GCN1: variants seen among roughly 807,000 people sequenced by gnomAD.
GCN1 encodes the protein stalled ribosome sensor GCN1.
In GCN1, 90 loss-of-function variants were observed where a neutral mutation model predicts 288.4. That is an observed-to-expected ratio of 0.31 (90% confidence interval 0.26 to 0.37). GCN1 has a LOEUF of 0.37. Ranked by LOEUF, GCN1 falls within the 10% of genes least tolerant of loss-of-function variation. GCN1 has a pLI of 1.00. For missense variants in GCN1, 2,586 were observed against 3,419.9 expected (o/e 0.76, Z 6.08); for synonymous variants, 1,386 against 1,420.2 (o/e 0.98, Z 0.54).
At chr12:120,175,322 T>A in intron 11 of GCN1, 110 bp from the exon 12 acceptor site, 2 of 1,032,684 alleles carry the variant, frequency 1.9e-6, no homozygotes, top group Non-Finnish European at 3.0e-6. Context: ...ATTCCAGAAG[T>A]AGCCTTTGTG....
intron 10 of GCN1, 57 bp from the exon 11 acceptor site, chr12:120,175,931 G>A (rs1174495869): frequency 1.8e-5 from 28 of 1,572,420 alleles, no homozygotes; most frequent in Middle Eastern, 3.4e-4. Flanking sequence ...CCAGACTTTC[G>A]TCTTTGTCTT....
intron 51 of GCN1, among the ~76,000 whole-genome samples, chr12:120,135,583 G>C (rs546335608): frequency 1.1e-3 from 174 of 152,112 alleles, no homozygotes; most frequent in Non-Finnish European, 1.9e-3. Flanking sequence ...GGCTGGTCTC[G>C]AACTCCCGAC....
In GCN1 at chr12:120,140,963, T is replaced by C. The variant is rs1322475785; in HGVS notation, c.5890A>G (p.Ile1964Val). The C allele has an allele frequency of 6.2e-6, 10 of 1,613,896 alleles. No individual in the cohort carries two copies. The African/African-American group carries it at 9.3e-5, about 15-fold the overall frequency. Residue 1964 changes from isoleucine to valine, a missense_variant, in exon 45 of 58, where the codon ATC becomes GTC. Coordinates refer to ENST00000300648, the MANE Select transcript of GCN1 (RefSeq NM_006836.2). ...AGGCCTTCCTCAAGGATGGGGATGA[T>C]CTCGGGGAGGATTTTCTCCCCTAAC... The part of the protein sequence containing the change: ...RKLGEKILPE[I>V]IPILEEGLRS...
intron 14 of GCN1, among the ~76,000 whole-genome samples, chr12:120,171,072 C>T (rs563982341): frequency 4.1e-5 from 6 of 145,204 alleles, no homozygotes; most frequent in South Asian, 2.2e-4. Context: ...ACCCAGGAGG[C>T]GGAGGTTGCA....
chr12:120,178,842 G>T lies in GCN1; in HGVS notation c.525+10C>A. 2 of 1,613,874 alleles carry T rather than the reference G, an allele frequency of 1.2e-6. No individual in the cohort carries two copies. The highest frequency in any genetic ancestry group is 1.7e-5 in the Admixed American group (1 of 60,030). ...GAAGCAATGCCCACCAGCCCCTGCA[G>T]TCCTGTCACCTCTTTCCACAGCTTC... On this transcript the variant is annotated intron_variant, in intron 6 of 57. Transcript: ENST00000300648.
chr12:120,132,288 T>A (rs59207263), intron 53 of GCN1, among the ~76,000 whole-genome samples: 1 of 143,308 alleles, frequency 7.0e-6, no homozygotes, highest in South Asian at 2.5e-4. Context: ...TAATCATCCT[T>A]GTAATAGCAG....
chr12:120,176,735 G>C (rs1233561991), intron 9 of GCN1, among the ~76,000 whole-genome samples: 3 of 152,148 alleles, frequency 2.0e-5, no homozygotes, highest in East Asian at 3.9e-4. Flanking sequence ...ATATACTTTT[G>C]TGCATTCTTC....
At chr12:120,194,605 G>A (rs2136123081) in intron 1 of GCN1, 75 bp downstream of exon 1, 3 of 1,368,002 alleles carry the variant, frequency 2.2e-6, no homozygotes, top group Non-Finnish European at 2.0e-6. Context: ...GCCGAGGAGC[G>A]AGAGGGGCCC....
At chr12:120,181,490 G>C (rs1878658461) in intron 5 of GCN1, among the ~76,000 whole-genome samples, 1 of 72,334 alleles carries the variant, frequency 1.4e-5, no homozygotes, top group Non-Finnish European at 2.8e-5. Context: ...AAAAAAAGAA[G>C]TCTGCAGAAT....
chr12:120,142,749 G>C lies in GCN1; in HGVS notation c.5614-27C>G. The C allele has an allele frequency of 6.2e-7, 1 of 1,610,388 alleles. No homozygotes were observed. On this transcript the variant is annotated intron_variant, in intron 43 of 57. Coordinates refer to ENST00000300648, the MANE Select transcript of GCN1 (RefSeq NM_006836.2). The surrounding 1 kb of genome is among the most constrained non-coding windows in gnomAD (Gnocchi z 4.9). ...TGCAGCCAGTAGAAGGGGACAGAGA[G>C]TAGTGAAGCCTCTATGGCATGGGCA...
At chr12:120,145,775 T>C (rs1028283214) in intron 38 of GCN1, among the ~76,000 whole-genome samples, 1 of 152,182 alleles carries the variant, frequency 6.6e-6, no homozygotes, top group Non-Finnish European at 1.5e-5. Context: ...GAAAATGCCT[T>C]ATGTTCACTG....
intron 4 of GCN1, 56 bp downstream of exon 4, chr12:120,184,056 C>A: frequency 6.7e-7 from 1 of 1,492,220 alleles, no homozygotes; most frequent in African/African-American, 1.4e-5. Flanking sequence ...ACTGCATCAG[C>A]TTCTCCTGAG....
intron 38 of GCN1, 77 bp from the exon 39 acceptor site, chr12:120,145,407 C>T: frequency 9.2e-7 from 1 of 1,087,396 alleles, no homozygotes; most frequent in Non-Finnish European, 1.3e-6. Context: ...TGGACCCTGA[C>T]CTCCCCATTC....
At position 120,160,176 on chromosome 12, in the gene GCN1, T is replaced by G; in HGVS notation, c.2516A>C (p.Asp839Ala). 2 of 1,612,372 alleles carry G rather than the reference T, an allele frequency of 1.2e-6. No homozygotes were observed. The highest frequency in any genetic ancestry group is 1.7e-6 in the Non-Finnish European group (2 of 1,179,898). Residue 839 changes from aspartate (D) to alanine (A), a missense_variant, in exon 23 of 58, where the codon GAC becomes GCC. Asp to Ala is a moderately radical substitution (Grantham distance 126). Around this residue, in one of 8 missense-constraint regions of GCN1, gnomAD observed 913 missense variants for 1,107.0 expected, o/e 0.82. Coordinates refer to ENST00000300648, the MANE Select transcript of GCN1 (RefSeq NM_006836.2). ...CCGCCTCCGGACCTGCGCCTCCCTG[T>G]CTAGCTGGGCCTGCAGCATCTCCTT... is the stretch of plus-strand genomic sequence containing the variant. ...KQKEMLQAQL[D>A]REAQVRRRLQ...
intron 56 of GCN1, among the ~76,000 whole-genome samples, chr12:120,129,976 C>T (rs1278069547): frequency 4.6e-5 from 7 of 152,208 alleles, no homozygotes; most frequent in South Asian, 2.1e-4. Flanking sequence ...TCATCACAGA[C>T]GAGGCTCAAT....
chr12:120,139,842 C>T (rs1034556214), intron 45 of GCN1, among the ~76,000 whole-genome samples: 3 of 152,238 alleles, frequency 2.0e-5, no homozygotes, highest in African/African-American at 7.2e-5. Context: ...TTCTTCAAGT[C>T]TCAATCCAGA....
chr12:120,147,663 G>A (rs1440507963), intron 37 of GCN1, among the ~76,000 whole-genome samples: 1 of 152,196 alleles, frequency 6.6e-6, no homozygotes, highest in Non-Finnish European at 1.5e-5. Flanking sequence ...TTTGTTTTAT[G>A]TATTTTGAGG....
At position 120,187,299 on chromosome 12, in the gene GCN1, G is replaced by A. The variant is rs184452581; in HGVS notation, c.122-2412C>T. Among the ~76,000 whole-genome samples the A allele has an allele frequency of 3.3e-3, 495 of 149,396 alleles. 1 individual carries two copies. Among genetic ancestry groups the A allele is most frequent in the Non-Finnish European group, 5.4e-3 (363 of 67,584 alleles). On this transcript the variant is annotated intron_variant, in intron 2 of 57. Coordinates refer to ENST00000300648, the MANE Select transcript of GCN1 (RefSeq NM_006836.2). ...GCAATCTCAGCTCACTGCAACCTCCGCCTCCCAGGTTCAAGCGATTCTCCT... is the reference window on the plus strand; with the variant it reads ...GCAATCTCAGCTCACTGCAACCTCCACCTCCCAGGTTCAAGCGATTCTCCT...
intron 16 of GCN1, among the ~76,000 whole-genome samples, chr12:120,167,994 G>C (rs1219776090): frequency 1.3e-5 from 2 of 151,248 alleles, no homozygotes; most frequent in African/African-American, 4.9e-5. Flanking sequence ...AGCCATTACT[G>C]CTCTGTCTCC....
Sources: gnomAD v4.1 joint callset for allele counts (sites outside exome capture counted in the v4.1 genomes callset) on GRCh38, gnomAD v4.1.1 for gene constraint, gnomAD v4.1.1 regional missense constraint, Gnocchi (gnomAD v3.1) non-coding constraint, MANE v1.5 for transcripts, NCBI Gene and HGNC (gene_info 2026-07-23, HGNC 2026-07-21) for gene names.